Variants in PFKFB3 observed in about 807,000 individuals in gnomAD.
PFKFB3 encodes 6-phosphofructo-2-kinase/fructose-2,6-bisphosphatase 3.
In PFKFB3, 33 loss-of-function variants were observed where a neutral mutation model predicts 68.0. That is an observed-to-expected ratio of 0.49 (90% CI 0.37 to 0.65). The LOEUF (loss-of-function observed/expected upper bound fraction) is 0.65. Among genes scored for constraint, PFKFB3 ranks in the 30% least tolerant of loss-of-function variants. The pLI, the probability that PFKFB3 is intolerant of heterozygous loss-of-function variation, is 0.00. For missense variants in PFKFB3, 586 were observed against 712.2 expected, an observed-to-expected ratio of 0.82 and a Z score of 2.02; for synonymous variants, 315 against 288.2, an observed-to-expected ratio of 1.09 and a Z score of -0.94.
chr10:6,284,961 C>T, the PFKFB3 span, among the ~76,000 whole-genome samples: 7 of 152,002 alleles, frequency 4.6e-5, no homozygotes, highest in Admixed American at 3.9e-4. Context: ...GCATGTATAC[C>T]GTGTATTGTT....
chr10:6,325,066 T>C, the PFKFB3 span, among the ~76,000 whole-genome samples: 1 of 152,088 alleles, frequency 6.6e-6, no homozygotes, highest in Non-Finnish European at 1.5e-5. Context: ...CAGGCTCAGG[T>C]GATTCTCCCA....
At chr10:6,312,100 G>T in the PFKFB3 span, among the ~76,000 whole-genome samples, 2 of 152,198 alleles carry the variant, frequency 1.3e-5, no homozygotes, top group Non-Finnish European at 2.9e-5. Context: ...GTTGATCTCA[G>T]GGGTGGCAAG....
At chr10:6,324,584 G>A in the PFKFB3 span, among the ~76,000 whole-genome samples, 1 of 151,878 alleles carries the variant, frequency 6.6e-6, no homozygotes, top group South Asian at 2.1e-4. Flanking sequence ...CCGCCACCAC[G>A]ACCAGCTAAT....
At chr10:6,272,218 G>A in the PFKFB3 span, among the ~76,000 whole-genome samples, 5 of 152,208 alleles carry the variant, frequency 3.3e-5, no homozygotes, top group African/African-American at 1.2e-4. Flanking sequence ...GGCAGTGCTG[G>A]GAGATGATAA....
At chr10:6,280,177 T>A in the PFKFB3 span, among the ~76,000 whole-genome samples, 1 of 152,256 alleles carries the variant, frequency 6.6e-6, no homozygotes, top group African/African-American at 2.4e-5. Context: ...TCCTCCAGGA[T>A]AACTGCCTCA....
At chr10:6,254,808 C>CTTT (rs144888417), downstream of PFKFB3, among the ~76,000 whole-genome samples, 2,614 of 61,602 alleles carry the variant, frequency 0.042, 861 homozygotes, top group East Asian at 0.1. Context: ...TTTTTCTGTT[C>CTTT]TTTTTTTTTT....
chr10:6,298,329 G>C, the PFKFB3 span, among the ~76,000 whole-genome samples: 1 of 151,376 alleles, frequency 6.6e-6, no homozygotes, highest in Non-Finnish European at 1.5e-5. Context: ...GGAAGTAGGA[G>C]AATGGCAGAG....
At chr10:6,168,915 C>T (rs1238413226) in intron 1 of PFKFB3, among the ~76,000 whole-genome samples, 3 of 152,180 alleles carry the variant, frequency 2.0e-5, no homozygotes, top group African/African-American at 7.2e-5. Flanking sequence ...TTGAATGCCT[C>T]TCCCGTCTGC....
intron 1 of PFKFB3, among the ~76,000 whole-genome samples, chr10:6,165,807 TTTTC>T (rs999348756): frequency 1.1e-4 from 16 of 151,890 alleles, no homozygotes; most frequent in Non-Finnish European, 1.5e-5. Flanking sequence ...TTATTTTCTT[TTTTC>T]TTTGTCTTTG....
chr10:6,204,067 G>A (rs966038034), intron 1 of PFKFB3, among the ~76,000 whole-genome samples: 1 of 151,768 alleles, frequency 6.6e-6, no homozygotes, highest in Admixed American at 6.6e-5. Flanking sequence ...CGCCCCGGGC[G>A]CACGCACCCC....
At chr10:6,244,151 T>C (rs7915913) in intron 14 of PFKFB3, among the ~76,000 whole-genome samples, 75,476 of 151,760 alleles carry the variant, frequency 0.5, 19,364 homozygotes, top group African/African-American at 0.58. Context: ...CCACTGCACC[T>C]GAAGCTGGTG....
chr10:6,260,434 A>T, the PFKFB3 span, among the ~76,000 whole-genome samples: 1 of 151,614 alleles, frequency 6.6e-6, no homozygotes, highest in African/African-American at 2.4e-5. Flanking sequence ...AAAAAAAAAA[A>T]AAAATTCAAA....
chr10:6,231,668 G>A (rs1845751514), intron 14 of PFKFB3: 6 of 860,222 alleles, frequency 7.0e-6, no homozygotes, highest in Non-Finnish European at 7.0e-6. Context: ...CCCACAGCCC[G>A]GCTGGGGCTC....
rs879326286 is a variant in PFKFB3 at position 6,188,016 on chromosome 10, TA to T, written c.17-25606del. On this transcript the variant is annotated intron_variant, in intron 1 of 14. Coordinates refer to the PFKFB3 transcript ENST00000379789. Reference sequence around the variant, plus strand: ...TTACCTACCTACATATATATATATATATATCTGCCTCATAAAGAGGAAGAGA... The same window carrying T: ...TTACCTACCTACATATATATATATATTATCTGCCTCATAAAGAGGAAGAGA... Among the ~76,000 whole-genome samples, 885 of 152,088 alleles carry T rather than the reference TA, an allele frequency of 5.8e-3. 2 individuals carry two copies. Among genetic ancestry groups the T allele is most frequent in the Admixed American group, 1.0e-2 (152 of 15,240 alleles).
chr10:6,215,964 A>T lies in PFKFB3; in HGVS notation c.300-161A>T, dbSNP rs1844552196. 6.6e-6 allele frequency among the ~76,000 whole-genome samples: 1 copy of T among 152,064 alleles called. No homozygotes were observed. The highest frequency in any genetic ancestry group is 6.5e-5 in the Admixed American group (1 of 15,282). The stretch of plus-strand genomic sequence containing the variant: ...CCACCCGTGTGGGGCCCCAGGTTGG[A>T]AGCCTCTGGGCCTGAGGGGTGCTGG... On this transcript the variant is annotated intron_variant, in intron 3 of 14. Transcript: ENST00000379775. This position sits in a 1 kb window ranked among gnomAD's most constrained non-coding sequence, Gnocchi z 4.3.
chr10:6,145,121 C>T (rs965925548), intron 1 of PFKFB3: 3 of 924,628 alleles, frequency 3.2e-6, no homozygotes, highest in Non-Finnish European at 4.3e-6. Flanking sequence ...AAGCACTGTG[C>T]ACCCGGGCTG....
In PFKFB3 at chr10:6,217,128, C is replaced by T. The variant is rs1024055453; in HGVS notation, c.442-7C>T. ...GTTTTCTAACATCCCCACCTCACTT[C>T]CACCAGGCGTTTTTCATCGAGTCGG... On this transcript the variant is annotated splice_region_variant and splice_polypyrimidine_tract_variant and intron_variant, in intron 5 of 14. Transcript: ENST00000379775. The T allele has an allele frequency of 1.1e-5, 17 of 1,613,834 alleles. No individual in the cohort carries two copies. The highest frequency in any genetic ancestry group is 1.4e-5 in the Non-Finnish European group (17 of 1,179,800).
upstream of PFKFB3, among the ~76,000 whole-genome samples, chr10:6,198,492 A>AT (rs973503303): frequency 2.0e-5 from 3 of 151,850 alleles, no homozygotes; most frequent in Admixed American, 6.6e-5. Flanking sequence ...AAAAATAATA[A>AT]TTTTTTTTGA....
the PFKFB3 span, among the ~76,000 whole-genome samples, chr10:6,306,514 A>C: frequency 2.0e-5 from 3 of 152,228 alleles, no homozygotes; most frequent in Non-Finnish European, 4.4e-5. Flanking sequence ...GTGGGCTCAG[A>C]TCAACAAGTA....
Sources: allele counts gnomAD v4.1 joint callset (sites outside exome capture counted in the v4.1 genomes callset), GRCh38; gene constraint gnomAD v4.1.1; non-coding constraint Gnocchi (gnomAD v3.1); transcripts MANE v1.5; gene names NCBI Gene and HGNC (gene_info 2026-07-23, HGNC 2026-07-21).